Variants in CDC42BPA observed in about 807,000 individuals in gnomAD.
CDC42BPA encodes CDC42 binding protein kinase alpha.
Under a neutral mutation model 223.5 loss-of-function variants are expected in CDC42BPA, and 80 were observed. The ratio of observed to expected loss-of-function variants is 0.36; its 90% confidence interval spans 0.30 to 0.43. The LOEUF (loss-of-function observed/expected upper bound fraction) is 0.43. Ranked by LOEUF, CDC42BPA falls within the 20% of genes least tolerant of loss-of-function variation. The pLI, the probability that CDC42BPA is intolerant of heterozygous loss-of-function variation, is 1.00. For missense variants in CDC42BPA, 1,743 were observed against 2,099.9 expected, an observed-to-expected ratio of 0.83 and a Z score of 3.32; for synonymous variants, 694 against 718.6, an observed-to-expected ratio of 0.97 and a Z score of 0.55.
At chr1:227,146,133 T>C (rs1244105149) in intron 7 of CDC42BPA, among the ~76,000 whole-genome samples, 2 of 152,154 alleles carry the variant, frequency 1.3e-5, no homozygotes, top group African/African-American at 4.8e-5. Context: ...GGACATAATA[T>C]GTATCTGACA....
intron 14 of CDC42BPA, among the ~76,000 whole-genome samples, chr1:227,103,862 A>G (rs1685454368): frequency 6.6e-6 from 1 of 152,146 alleles, no homozygotes; most frequent in South Asian, 2.1e-4. Context: ...TCCAAAAGAA[A>G]GCAGAATTAA....
intron 24 of CDC42BPA, among the ~76,000 whole-genome samples, chr1:227,039,313 T>C (rs1405260332): frequency 6.6e-6 from 1 of 152,142 alleles, no homozygotes; most frequent in Non-Finnish European, 1.5e-5. Context: ...TTAATGGAGC[T>C]TATGCTAAAA....
intron 3 of CDC42BPA, among the ~76,000 whole-genome samples, chr1:227,208,618 T>G (rs1014179250): frequency 6.0e-5 from 9 of 149,378 alleles, no homozygotes; most frequent in African/African-American, 2.2e-4. Flanking sequence ...AGGGAATCCT[T>G]TCCCCATTGC....
At chr1:227,118,388 A>G (rs1426315343) in intron 12 of CDC42BPA, among the ~76,000 whole-genome samples, 1 of 152,126 alleles carries the variant, frequency 6.6e-6, no homozygotes, top group Non-Finnish European at 1.5e-5. Flanking sequence ...TATTTTTTTT[A>G]AAAGACAAAG....
chr1:227,230,816 C>CTTT (rs34787332), intron 2 of CDC42BPA, among the ~76,000 whole-genome samples: 722 of 53,674 alleles, frequency 0.013, 3 homozygotes, highest in South Asian at 0.023. Flanking sequence ...TTTTTTCTTT[C>CTTT]TTTCTTTTTT....
intron 3 of CDC42BPA, among the ~76,000 whole-genome samples, chr1:227,203,412 CA>C (rs997481109): frequency 6.6e-6 from 1 of 152,088 alleles, no homozygotes; most frequent in African/African-American, 2.4e-5. Flanking sequence ...CCCCAGTTGT[CA>C]ATGAAGTCCC....
Position 227,028,761 on chromosome 1 carries a change from T to G in CDC42BPA, c.4328A>C (p.Lys1443Thr). The stretch of plus-strand genomic sequence containing the variant: ...GCTGTTAAAACACAGCAGATATTCT[T>G]TACTGGAGATCTCAACTGCGCAGAT... ...DAICAVEISS[K>T]EYLLCFNSIG... is the part of the protein sequence containing the mutation. The change falls in exon 30 of 37, where the codon AAA becomes ACA. Residue 1443 changes from lysine to threonine, a missense_variant. Lys to Thr is a moderately conservative substitution (Grantham distance 78, BLOSUM62 -1). Coordinates refer to ENST00000366766, the MANE Select transcript of CDC42BPA (RefSeq NM_001394014.1). The G allele has an allele frequency of 6.2e-7, 1 of 1,614,150 alleles. No individual in the cohort carries two copies. The highest frequency in any genetic ancestry group is 8.5e-7 in the Non-Finnish European group (1 of 1,179,980).
chr1:227,265,081 T>A (rs1684755686), intron 1 of CDC42BPA: 2 of 775,510 alleles, frequency 2.6e-6, no homozygotes, highest in Non-Finnish European at 4.8e-6. Flanking sequence ...TTGCATTGTA[T>A]CCAAGGTAAA....
intron 3 of CDC42BPA, among the ~76,000 whole-genome samples, chr1:227,210,303 C>T (rs1673646350): frequency 6.6e-6 from 1 of 152,118 alleles, no homozygotes. Context: ...TTTGTATGGT[C>T]CTTGTCAGGT....
At chr1:227,140,221 A>C (rs1466252702) in intron 9 of CDC42BPA, among the ~76,000 whole-genome samples, 1 of 152,178 alleles carries the variant, frequency 6.6e-6, no homozygotes, top group Non-Finnish European at 1.5e-5. Flanking sequence ...AACAAAACAG[A>C]CAAAAATCCT....
Position 227,067,643 on chromosome 1 carries a change from TTTG to T in CDC42BPA, c.2904+2131_2904+2133del, listed in dbSNP as rs529643759. On this transcript the variant is annotated intron_variant, in intron 21 of 36. Transcript: ENST00000366766. The stretch of plus-strand genomic sequence containing the variant: ...ATTTGTTTTGAGAATAGCAAAACAC[TTTG>T]TTTAGAATGAAAATGTGCAAACTTC... Among the ~76,000 whole-genome samples, 326 of 152,284 alleles carry T rather than the reference TTTG, an allele frequency of 2.1e-3. 2 individuals are homozygous for T. The highest frequency in any genetic ancestry group is 3.0e-3 in the Non-Finnish European group (207 of 68,014).
intron 4 of CDC42BPA, among the ~76,000 whole-genome samples, chr1:227,196,378 T>C (rs1406349232): frequency 1.5e-5 from 2 of 134,486 alleles, no homozygotes; most frequent in African/African-American, 3.0e-5. Context: ...CTCCCTCTGT[T>C]GCCCAGGCTG....
At chr1:227,025,854 A>G (rs919218584) in intron 31 of CDC42BPA, among the ~76,000 whole-genome samples, 2 of 152,280 alleles carry the variant, frequency 1.3e-5, no homozygotes, top group South Asian at 4.1e-4. Flanking sequence ...AAATATAGTA[A>G]AATTAGTATG....
chr1:227,282,476 T>C (rs1319671908), intron 1 of CDC42BPA, among the ~76,000 whole-genome samples: 2 of 152,230 alleles, frequency 1.3e-5, no homozygotes, highest in East Asian at 3.8e-4. Flanking sequence ...TGATAGCAGC[T>C]AAGTCAAAAA....
intron 1 of CDC42BPA, among the ~76,000 whole-genome samples, chr1:227,301,732 A>G (rs2148737088): frequency 6.6e-6 from 1 of 152,282 alleles, no homozygotes; most frequent in South Asian, 2.1e-4. Flanking sequence ...ATTCATAAAT[A>G]CACATTCAAT....
chr1:227,092,183 A>G (rs950883399), intron 15 of CDC42BPA, among the ~76,000 whole-genome samples, 192 bp from the exon 16 acceptor site: 1 of 152,240 alleles, frequency 6.6e-6, no homozygotes, highest in African/African-American at 2.4e-5. Context: ...TTTATATTAC[A>G]ATAATACTGA....
rs199750310 is a variant in CDC42BPA, at chr1:227,278,325, TTAAA to T, written c.179-24174_179-24171del. ...ACCTATTTCAGATTGCGTATGTGCT[TTAAA>T]TAGAATTCTATCAAAACCTGGAATT... is the stretch of plus-strand genomic sequence containing the variant. On this transcript the variant is annotated intron_variant, in intron 1 of 36. Transcript: ENST00000366766. Among the ~76,000 whole-genome samples, 764 of 152,352 alleles carry T rather than the reference TTAAA, an allele frequency of 5.0e-3. 29 individuals are homozygous for T. The highest frequency in any genetic ancestry group is 0.044 in the Admixed American group (676 of 15,304).
intron 34 of CDC42BPA, among the ~76,000 whole-genome samples, chr1:227,014,605 G>A (rs1023134453): frequency 3.3e-5 from 5 of 151,754 alleles, no homozygotes; most frequent in Non-Finnish European, 5.9e-5. Context: ...ACTGCACACC[G>A]AATTATATTA....
chr1:227,299,446 G>A (rs1691257927), intron 1 of CDC42BPA, among the ~76,000 whole-genome samples: 1 of 151,900 alleles, frequency 6.6e-6, no homozygotes, highest in African/African-American at 2.4e-5. Context: ...AAATGGAATG[G>A]TTTACATGTT....
Sources: allele counts gnomAD v4.1 joint callset (sites outside exome capture counted in the v4.1 genomes callset), GRCh38; gene constraint gnomAD v4.1.1; transcripts MANE v1.5; gene names NCBI Gene and HGNC (gene_info 2026-07-23, HGNC 2026-07-21).